The following PDZD2 variants were observed in gnomAD, a reference collection of about 807,000 sequenced individuals.
PDZD2 encodes the protein PDZ domain containing 2, also known as PDZ domain-containing protein 2.
A neutral mutation model predicts 220.7 loss-of-function variants in PDZD2; 90 were observed. The observed-to-expected ratio is 0.41, with a 90% CI of 0.34 to 0.49. The LOEUF (loss-of-function observed/expected upper bound fraction) is 0.49, where lower values mean the gene tolerates loss of function less well. PDZD2 is among the 20% of genes least tolerant of loss of function. PDZD2 has a pLI of 0.28. For synonymous variants in PDZD2, 1,375 were observed against 1,450.5 expected (o/e 0.95, Z 1.18); for missense variants, 3,174 against 3,608.5 (o/e 0.88, Z 3.08).
chr5:31,849,913 T>C (rs1471130387), intron 2 of PDZD2, among the ~76,000 whole-genome samples: 7 of 19,948 alleles, frequency 3.5e-4, no homozygotes, highest in East Asian at 1.8e-3. Flanking sequence ...TACATATATA[T>C]ATATACATAT....
chr5:32,085,372 C>G (rs1742343327), intron 19 of PDZD2, among the ~76,000 whole-genome samples: 1 of 149,928 alleles, frequency 6.7e-6, no homozygotes, highest in African/African-American at 2.5e-5. Flanking sequence ...TCCATCACAT[C>G]AAATGTATCA....
chr5:31,947,852 T>TGA (rs1746787989), intron 2 of PDZD2, among the ~76,000 whole-genome samples: 1 of 144,288 alleles, frequency 6.9e-6, no homozygotes, highest in South Asian at 2.2e-4. Context: ...ATGGGGACAG[T>TGA]GAGAGAGAGA....
intron 2 of PDZD2, among the ~76,000 whole-genome samples, chr5:31,851,076 T>C (rs1758031863): frequency 1.3e-5 from 2 of 152,202 alleles, no homozygotes; most frequent in Non-Finnish European, 2.9e-5. Context: ...CACTTTTTTT[T>C]CACTCTAGAC....
chr5:31,792,204 G>A (rs1753767995), intron 1 of PDZD2, among the ~76,000 whole-genome samples: 1 of 152,170 alleles, frequency 6.6e-6, no homozygotes, highest in Non-Finnish European at 1.5e-5. Context: ...GCCCATCCGT[G>A]GCTGAGGAGC....
intron 21 of PDZD2, 112 bp from the exon 22 acceptor site, chr5:32,097,167 C>T (rs1743797363): frequency 6.9e-6 from 5 of 722,708 alleles, no homozygotes; most frequent in Non-Finnish European, 1.2e-5. Flanking sequence ...AAAAGCCCCT[C>T]CAAGAGGACT....
intron 1 of PDZD2, among the ~76,000 whole-genome samples, chr5:31,778,206 C>T (rs955061421): frequency 6.6e-6 from 1 of 152,132 alleles, no homozygotes; most frequent in Non-Finnish European, 1.5e-5. Flanking sequence ...CCAGTGAGCA[C>T]CCTGTCAAAA....
At chr5:31,992,255 G>A (rs1237250878) in intron 3 of PDZD2, among the ~76,000 whole-genome samples, 2 of 152,124 alleles carry the variant, frequency 1.3e-5, no homozygotes, top group African/African-American at 2.4e-5. Flanking sequence ...TCTGTTTCTT[G>A]AGTAGTGTAG....
At chr5:32,012,328 G>A (rs888598644) in intron 6 of PDZD2, among the ~76,000 whole-genome samples, 5 of 151,958 alleles carry the variant, frequency 3.3e-5, no homozygotes, top group East Asian at 3.8e-4. Flanking sequence ...AGCCATTGAC[G>A]GAGCATAACA....
At chr5:31,878,518 G>C (rs1278101994) in intron 2 of PDZD2, among the ~76,000 whole-genome samples, 1 of 137,820 alleles carries the variant, frequency 7.3e-6, no homozygotes, top group Non-Finnish European at 1.5e-5. Flanking sequence ...GCATGGACAC[G>C]TACAGGTCCT....
Position 31,675,695 on chromosome 5 carries a change from CT to C in PDZD2, c.-361+36264del, listed in dbSNP as rs544495514. On this transcript the variant is annotated intron_variant, in intron 1 of 24. Coordinates refer to ENST00000438447, the MANE Select transcript of PDZD2 (RefSeq NM_178140.4). ...ATCAGCATTCTTATCCCTTGAAGGA[CT>C]TTTTTATTTTTTTATTTTTAGACGG... is the stretch of plus-strand genomic sequence containing the variant. Among the ~76,000 whole-genome samples, 345 of 152,120 alleles carry C rather than the reference CT, an allele frequency of 2.3e-3. 1 individual carries two copies. The highest frequency in any genetic ancestry group is 8.1e-3 in the African/African-American group (336 of 41,500).
chr5:31,749,365 G>A (rs1287104110), intron 1 of PDZD2, among the ~76,000 whole-genome samples: 2 of 151,928 alleles, frequency 1.3e-5, no homozygotes, highest in African/African-American at 4.8e-5. Flanking sequence ...TAAATCTGGG[G>A]TAGACGTCTG....
intron 6 of PDZD2, among the ~76,000 whole-genome samples, chr5:32,024,149 A>G (rs1338483019): frequency 6.6e-6 from 1 of 152,252 alleles, no homozygotes; most frequent in African/African-American, 2.4e-5. Context: ...GAAGCCATAC[A>G]GGGCTTCCTT....
chr5:31,850,117 C>CGTGTATATATAAGTATATATAA (rs1561507887), intron 2 of PDZD2, among the ~76,000 whole-genome samples: 1 of 128,798 alleles, frequency 7.8e-6, no homozygotes, highest in African/African-American at 2.9e-5. Context: ...AGTATATATA[C>CGTGTATATATAAGTATATATAA]GTGTATATAT....
chr5:32,002,787 AC>A (rs1752306883), intron 5 of PDZD2, among the ~76,000 whole-genome samples: 3 of 86,814 alleles, frequency 3.5e-5, no homozygotes, highest in African/African-American at 1.4e-4. Context: ...ACACACAACC[AC>A]ACACACCACC....
intron 7 of PDZD2, among the ~76,000 whole-genome samples, chr5:32,047,761 ATG>A (rs1738119603): frequency 6.6e-6 from 1 of 152,228 alleles, no homozygotes; most frequent in Non-Finnish European, 1.5e-5. Context: ...AGACAACAGA[ATG>A]TGTTTAGACA....
At chr5:31,649,594 T>C (rs938263687) in intron 1 of PDZD2, among the ~76,000 whole-genome samples, 1 of 152,070 alleles carries the variant, frequency 6.6e-6, no homozygotes, top group Admixed American at 6.6e-5. Context: ...CTGAAAATAG[T>C]TCCTATTTCT....
At chr5:32,078,504 C>A (rs757992550) in intron 19 of PDZD2, among the ~76,000 whole-genome samples, 1 of 151,852 alleles carries the variant, frequency 6.6e-6, no homozygotes, top group Non-Finnish European at 1.5e-5. Flanking sequence ...TGGTGGAGCA[C>A]GCTTATAATC....
chr5:31,694,416 A>C (rs1561388164), intron 1 of PDZD2, among the ~76,000 whole-genome samples: 1 of 152,132 alleles, frequency 6.6e-6, no homozygotes. Flanking sequence ...AAAACAAAAA[A>C]CAATGCTTGC....
At chr5:31,919,112 G>T (rs1370380151) in intron 2 of PDZD2, among the ~76,000 whole-genome samples, 1 of 152,220 alleles carries the variant, frequency 6.6e-6, no homozygotes, top group Non-Finnish European at 1.5e-5. Context: ...GAAGAAACTG[G>T]TGGAGGAGTG....
Sources: gnomAD v4.1 joint callset for allele counts (sites outside exome capture counted in the v4.1 genomes callset) on GRCh38, gnomAD v4.1.1 for gene constraint, MANE v1.5 for transcripts, NCBI Gene and HGNC (gene_info 2026-07-23, HGNC 2026-07-21) for gene names.